The following ABI3BP variants were observed in gnomAD, a reference collection of about 807,000 sequenced individuals.
ABI3BP encodes the protein ABI family member 3 binding protein.
A neutral mutation model predicts 268.6 loss-of-function variants in ABI3BP; 216 were observed. The observed-to-expected ratio is 0.80, with a 90% CI of 0.72 to 0.90. The LOEUF is 0.90. ABI3BP is among the 40% of genes least tolerant of loss of function. ABI3BP has a pLI of 0.00. For missense variants in ABI3BP, 2,090 were observed against 2,182.4 expected, an observed-to-expected ratio of 0.96 and a Z score of 0.84; for synonymous variants, 730 against 730.0, an observed-to-expected ratio of 1.00 and a Z score of 0.00.
intron 9 of ABI3BP, among the ~76,000 whole-genome samples, chr3:100,873,733 C>T (rs1416054256): frequency 6.6e-6 from 1 of 152,190 alleles, no homozygotes. Flanking sequence ...ATAAGGCCCC[C>T]AGTAGGGGAG....
chr3:100,846,068 A>T (rs983270657), intron 20 of ABI3BP, among the ~76,000 whole-genome samples: 1 of 152,164 alleles, frequency 6.6e-6, no homozygotes. Flanking sequence ...TGTTCATGAG[A>T]TTAGAATTCC....
intron 59 of ABI3BP, among the ~76,000 whole-genome samples, chr3:100,777,602 A>G (rs1329185808): frequency 6.6e-6 from 1 of 152,220 alleles, no homozygotes; most frequent in East Asian, 1.9e-4. Flanking sequence ...TGTCAAGGAC[A>G]AGAACAGAGA....
intron 4 of ABI3BP, among the ~76,000 whole-genome samples, chr3:100,890,204 A>G (rs916353178): frequency 1.2e-4 from 18 of 152,076 alleles, no homozygotes; most frequent in African/African-American, 4.1e-4. Flanking sequence ...TTTTATTTCT[A>G]TGTGATTAAC....
intron 2 of ABI3BP, among the ~76,000 whole-genome samples, chr3:100,904,708 G>C (rs2713788): frequency 0.84 from 127,022 of 152,116 alleles, 53,269 homozygotes; most frequent in East Asian, 1. Flanking sequence ...AAACCACAAT[G>C]AGATACCATC....
intron 1 of ABI3BP, among the ~76,000 whole-genome samples, chr3:100,956,728 TGATA>T (rs1453633927): frequency 1.3e-5 from 2 of 152,026 alleles, no homozygotes; most frequent in East Asian, 1.9e-4. Flanking sequence ...GCACAATCTT[TGATA>T]GATAGAGGAG....
At position 100,749,325 on chromosome 3, in the gene ABI3BP, A is replaced by AAACTC. The variant is rs1219583698; in HGVS notation, c.*1165_*1169dup. 16 of 252,422 alleles carry AAACTC rather than the reference A, an allele frequency of 6.3e-5. No homozygotes were observed. The highest frequency in any genetic ancestry group is 7.4e-5 in the Non-Finnish European group (10 of 134,566). The allele number at this position is 252,422 out of a possible 1,614,324, so 15.6% of individuals were successfully genotyped here. On this transcript the variant is annotated 3_prime_UTR_variant, in exon 68 of 68. Coordinates refer to ENST00000471714, the MANE Select transcript of ABI3BP (RefSeq NM_001375547.2). Reference sequence around the variant, plus strand: ...TGAACCATTCAGAAATAACAAACAAAAACTCAATCTTAAAAAAAAACTACA... The same window carrying AAACTC: ...TGAACCATTCAGAAATAACAAACAAAAACTCAACTCAATCTTAAAAAAAAACTACA...
rs72930698 is a variant in ABI3BP, at chr3:100,798,944, C to T, written c.3758-2476G>A. Among the ~76,000 whole-genome samples the T allele has an allele frequency of 4.7e-3, 708 of 152,168 alleles. 7 individuals carry two copies. The highest frequency in any genetic ancestry group is 0.016 in the African/African-American group (681 of 41,516). ...CCAGTCTGAGTCTGAGAGGAAGCCC[C>T]GTTGGAGGCTACCTGCTGGCTTTCC... On this transcript the variant is annotated intron_variant, in intron 51 of 67. Transcript: ENST00000471714.
chr3:100,837,290 ATTGCCTTC>A (rs1343056269), intron 26 of ABI3BP, 119 bp from the exon 27 acceptor site: 3 of 709,438 alleles, frequency 4.2e-6, no homozygotes, highest in Non-Finnish European at 6.4e-6. Context: ...ATTAATATAA[ATTGCCTTC>A]TTGATAGGCT....
intron 1 of ABI3BP, among the ~76,000 whole-genome samples, chr3:100,963,888 C>T (rs550011916): frequency 1.2e-4 from 18 of 152,336 alleles, no homozygotes; most frequent in Admixed American, 9.1e-4. Context: ...TCAGACTTGA[C>T]TCAAGAGTTC....
chr3:100,992,728 T>A (rs2093142513), intron 1 of ABI3BP, among the ~76,000 whole-genome samples: 1 of 152,212 alleles, frequency 6.6e-6, no homozygotes, highest in East Asian at 1.9e-4. Context: ...GAGAGCAATT[T>A]AGCCAAGAAA....
At chr3:100,969,874 CT>C (rs1464976240) in intron 1 of ABI3BP, among the ~76,000 whole-genome samples, 3 of 151,826 alleles carry the variant, frequency 2.0e-5, no homozygotes, top group African/African-American at 4.8e-5. Context: ...GCATTATATA[CT>C]TTTTTCCTGC....
At chr3:100,911,920 T>C (rs1375945709) in intron 2 of ABI3BP, 2 of 1,311,918 alleles carry the variant, frequency 1.5e-6, no homozygotes, top group Non-Finnish European at 2.2e-6. Context: ...TTTTTGACAT[T>C]GGAGAATATT....
chr3:100,932,027 G>T (rs896215656), intron 1 of ABI3BP, among the ~76,000 whole-genome samples: 7 of 151,420 alleles, frequency 4.6e-5, no homozygotes, highest in African/African-American at 1.7e-4. Context: ...AATGTAACAG[G>T]TTAGAAAGCC....
intron 1 of ABI3BP, among the ~76,000 whole-genome samples, chr3:100,957,131 A>C (rs2153802577): frequency 6.6e-6 from 1 of 152,380 alleles, no homozygotes; most frequent in African/African-American, 2.4e-5. Context: ...AGGAAACTAT[A>C]GCAATAATCC....
Position 100,804,821 on chromosome 3 carries a change from G to A in ABI3BP, c.3728C>T (p.Pro1243Leu). Residue 1243 changes from proline (P) to leucine (L), a missense_variant, in exon 51 of 68, where the codon CCA becomes CTA. By Grantham distance (98) the Pro-to-Leu change is moderately conservative (BLOSUM62 -3). Coordinates refer to ENST00000471714, the MANE Select transcript of ABI3BP (RefSeq NM_001375547.2). Reference protein sequence around the residue: ...QRVTAKPKTSPSPEVSYTTPA... With the variant: ...QRVTAKPKTSLSPEVSYTTPA... ...TGTGGTGTATGACACTTCTGGACTT[G>A]GTGACGTTTTTGGTTTTGCAGTAAC... is the stretch of plus-strand genomic sequence containing the variant. The A allele has an allele frequency of 6.2e-7, 1 of 1,613,118 alleles. No homozygotes were observed. Among genetic ancestry groups the A allele is most frequent in the Non-Finnish European group, 8.5e-7 (1 of 1,179,236 alleles).
chr3:100,812,553 A>T, intron 45 of ABI3BP, 30 bp from the exon 46 acceptor site: 1 of 1,294,236 alleles, frequency 7.7e-7, no homozygotes, highest in Non-Finnish European at 9.9e-7. Flanking sequence ...GGTACAATTG[A>T]TAAAGGATAG....
chr3:100,749,783 T>C lies in ABI3BP; in HGVS notation c.*712A>G, dbSNP rs2095223407. ...TAGTTTGACAAAGCATATTCAGATATTGTAACATTTATGGTGGGTAAAAAT... is the reference window on the plus strand; with the variant it reads ...TAGTTTGACAAAGCATATTCAGATACTGTAACATTTATGGTGGGTAAAAAT... On this transcript the variant is annotated 3_prime_UTR_variant, in exon 68 of 68. Coordinates refer to ENST00000471714, the MANE Select transcript of ABI3BP (RefSeq NM_001375547.2). 1 of 397,992 alleles carries C rather than the reference T, an allele frequency of 2.5e-6. No homozygotes were observed. Among genetic ancestry groups the C allele is most frequent in the Non-Finnish European group, 4.4e-6 (1 of 225,638 alleles). 24.7% of individuals were successfully genotyped at this position (397,992 alleles called of 1,614,324 possible).
intron 63 of ABI3BP, among the ~76,000 whole-genome samples, chr3:100,756,477 G>A (rs921177718): frequency 1.3e-5 from 2 of 152,136 alleles, no homozygotes; most frequent in African/African-American, 2.4e-5. Flanking sequence ...CACACACATG[G>A]GGTATTTTCA....
Position 100,796,432 on chromosome 3 carries a change from G to A in ABI3BP, c.3794C>T (p.Pro1265Leu), listed in dbSNP as rs2097347957. The A allele has an allele frequency of 1.2e-6, 2 of 1,602,684 alleles. No individual in the cohort carries two copies. Among genetic ancestry groups the A allele is most frequent in the Middle Eastern group, 1.7e-4 (1 of 6,018 alleles). Residue 1265 changes from proline to leucine, a missense_variant, in exon 52 of 68, where the codon CCT (proline) becomes CTT (leucine). By Grantham distance (98) the Pro-to-Leu change is moderately conservative. Coordinates refer to ENST00000471714, the MANE Select transcript of ABI3BP (RefSeq NM_001375547.2). ...ACCAGGTTCGCTCTGAGAGACCTCAGGGTATGGTTTATGAGGAAGGAGCAC... is the reference window on the plus strand; with the variant it reads ...ACCAGGTTCGCTCTGAGAGACCTCAAGGTATGGTTTATGAGGAAGGAGCAC... The part of the protein sequence containing the change: ...KDVLLPHKPY[P>L]EVSQSEPVLQ...
Sources: gnomAD v4.1 joint callset for allele counts (sites outside exome capture counted in the v4.1 genomes callset) on GRCh38, gnomAD v4.1.1 for gene constraint, MANE v1.5 for transcripts, NCBI Gene and HGNC (gene_info 2026-07-23, HGNC 2026-07-21) for gene names.